Variants in AUTS2 observed in about 807,000 individuals in gnomAD.
The protein encoded by AUTS2 is activator of transcription and developmental regulator AUTS2.
In AUTS2, 17 loss-of-function variants were observed where a neutral mutation model predicts 112.4. That is an observed-to-expected ratio of 0.15 (90% CI 0.10 to 0.23). AUTS2 has a LOEUF of 0.23. Among genes scored for constraint, AUTS2 ranks in the 10% least tolerant of loss-of-function variants. The probability of loss-of-function intolerance (pLI) is 1.00; values close to 1 mark genes in which losing one functional copy is unlikely to be tolerated. For missense variants in AUTS2, 1,510 were observed against 1,701.6 expected (o/e 0.89, Z 1.98); for synonymous variants, 751 against 702.7 (o/e 1.07, Z -1.09).
intron 2 of AUTS2, among the ~76,000 whole-genome samples, chr7:70,088,379 A>G (rs551749520): frequency 4.6e-5 from 7 of 152,174 alleles, no homozygotes; most frequent in African/African-American, 1.7e-4. Context: ...TTCCCGCCTC[A>G]GCCTCCCAAA....
intron 6 of AUTS2, among the ~76,000 whole-genome samples, chr7:70,743,826 G>C (rs1042033858): frequency 2.0e-5 from 3 of 152,320 alleles, no homozygotes; most frequent in African/African-American, 7.2e-5. Flanking sequence ...CAGGCCCATA[G>C]TTTTGACTGG....
At chr7:70,673,241 C>T (rs1033975240) in intron 5 of AUTS2, among the ~76,000 whole-genome samples, 1 of 152,206 alleles carries the variant, frequency 6.6e-6, no homozygotes, top group Admixed American at 6.5e-5. Flanking sequence ...ACTTGCTGAC[C>T]AGGGATTATA....
chr7:69,793,581 T>G (rs1789712772), intron 1 of AUTS2, among the ~76,000 whole-genome samples: 2 of 152,136 alleles, frequency 1.3e-5, no homozygotes, highest in South Asian at 4.1e-4. Context: ...AAAAGGCTTC[T>G]TAGGGGAAGT....
intron 1 of AUTS2, among the ~76,000 whole-genome samples, chr7:69,706,861 A>C (rs1452075761): frequency 6.6e-6 from 1 of 152,184 alleles, no homozygotes; most frequent in African/African-American, 2.4e-5. Context: ...ACTTCACCTC[A>C]TTTGGTTACA....
At chr7:70,605,375 C>G (rs138215835) in intron 5 of AUTS2, among the ~76,000 whole-genome samples, 128 of 152,212 alleles carry the variant, frequency 8.4e-4, no homozygotes, top group Middle Eastern at 3.4e-3. Context: ...ACAGGCTGAC[C>G]AAGCCAGGAG....
chr7:69,661,177 A>G (rs1465572325), intron 1 of AUTS2, among the ~76,000 whole-genome samples: 2 of 152,268 alleles, frequency 1.3e-5, no homozygotes, highest in East Asian at 3.9e-4. Context: ...AGGAGTAAAG[A>G]CTGGAACCTG....
intron 4 of AUTS2, among the ~76,000 whole-genome samples, chr7:70,412,139 C>T (rs1794806065): frequency 6.6e-6 from 1 of 152,036 alleles, no homozygotes; most frequent in South Asian, 2.1e-4. Flanking sequence ...AAGTGATCCA[C>T]CTGCCTCGGC....
chr7:70,337,884 T>C (rs1791067706), intron 4 of AUTS2, among the ~76,000 whole-genome samples: 2 of 152,230 alleles, frequency 1.3e-5, no homozygotes, highest in African/African-American at 4.8e-5. Context: ...GAAGCTATGA[T>C]TCTTTTCCAC....
rs559123127 is a variant in AUTS2 at position 69,701,484 on chromosome 7, T to C, written c.309+101522T>C. ...TCGTGCCTTGCAGCCTGAGCACAAG[T>C]GCCTATAAACGCAAGGCTGGTTGTC... On this transcript the variant is annotated intron_variant, in intron 1 of 18. Coordinates refer to ENST00000342771, the MANE Select transcript of AUTS2 (RefSeq NM_015570.4). Among the ~76,000 whole-genome samples the C allele has an allele frequency of 1.4e-3, 220 of 152,262 alleles. 1 individual carries two copies. Among genetic ancestry groups the C allele is most frequent in the Middle Eastern group, 3.4e-3 (1 of 294 alleles).
chr7:69,988,459 A>G (rs17460898), intron 2 of AUTS2, among the ~76,000 whole-genome samples: 15,021 of 152,234 alleles, frequency 0.099, 811 homozygotes, highest in East Asian at 0.14. Context: ...ATCTGCAAGC[A>G]TGGATAACAT....
intron 5 of AUTS2, among the ~76,000 whole-genome samples, chr7:70,683,189 CTGT>C (rs1357810464): frequency 6.6e-6 from 1 of 152,200 alleles, no homozygotes; most frequent in Non-Finnish European, 1.5e-5. Flanking sequence ...TACCCACGCT[CTGT>C]TGTTAGCCAT....
intron 5 of AUTS2, among the ~76,000 whole-genome samples, chr7:70,465,942 C>T (rs1797152492): frequency 6.6e-6 from 1 of 152,006 alleles, no homozygotes; most frequent in Admixed American, 6.6e-5. Context: ...CAGGGAAGCA[C>T]AGTTAGGATG....
chr7:69,880,545 T>C (rs1038756130), intron 1 of AUTS2, among the ~76,000 whole-genome samples: 33 of 152,178 alleles, frequency 2.2e-4, no homozygotes, highest in African/African-American at 8.0e-4. Flanking sequence ...ACTAAGGCAA[T>C]CTCAAAGGAT....
intron 1 of AUTS2, among the ~76,000 whole-genome samples, chr7:69,855,920 G>A (rs1792701530): frequency 6.6e-6 from 1 of 152,086 alleles, no homozygotes; most frequent in Admixed American, 6.6e-5. Flanking sequence ...GGGGACCTTA[G>A]GTTGGCTAAT....
chr7:70,678,643 A>T (rs776838345), intron 5 of AUTS2, among the ~76,000 whole-genome samples: 1 of 152,232 alleles, frequency 6.6e-6, no homozygotes, highest in Non-Finnish European at 1.5e-5. Flanking sequence ...TTTTTTTATT[A>T]GTTGGGTGAA....
chr7:70,338,240 C>T (rs530845246), intron 4 of AUTS2, among the ~76,000 whole-genome samples: 124 of 152,208 alleles, frequency 8.1e-4, no homozygotes, highest in African/African-American at 2.9e-3. Context: ...ATTACTATAG[C>T]AGATTTGACA....
chr7:70,469,552 A>G (rs751914366), intron 5 of AUTS2, among the ~76,000 whole-genome samples: 1 of 152,198 alleles, frequency 6.6e-6, no homozygotes, highest in South Asian at 2.1e-4. Flanking sequence ...TATGGGGGAT[A>G]TCAGATGTCC....
In AUTS2 at chr7:70,385,244, G is replaced by A. The variant is rs528518983; in HGVS notation, c.661-50508G>A. ...ATACTTTATTTGTACATAGCCAAGT[G>A]CTAGTTTCATGGGAGACACAGAAGG... On this transcript the variant is annotated intron_variant, in intron 4 of 18. Transcript: ENST00000342771. Among the ~76,000 whole-genome samples, 23 of 152,308 alleles carry A rather than the reference G, an allele frequency of 1.5e-4. 1 individual carries two copies. In the East Asian group the frequency reaches 4.4e-3, roughly 29 times the overall value.
At chr7:70,516,389 C>A (rs1376099708) in intron 5 of AUTS2, among the ~76,000 whole-genome samples, 1 of 152,178 alleles carries the variant, frequency 6.6e-6, no homozygotes, top group African/African-American at 2.4e-5. Context: ...AAGCCTGAAG[C>A]ACCCTCTTTT....
Sources: allele counts gnomAD v4.1 joint callset (sites outside exome capture counted in the v4.1 genomes callset), GRCh38; gene constraint gnomAD v4.1.1; transcripts MANE v1.5; gene names NCBI Gene and HGNC (gene_info 2026-07-23, HGNC 2026-07-21).